Variants in EMC2 observed in about 807,000 individuals in gnomAD.
EMC2 encodes TPR repeat protein 35.
Under a neutral mutation model 51.6 loss-of-function variants are expected in EMC2, and 37 were observed. The ratio of observed to expected loss-of-function variants is 0.72; its 90% confidence interval spans 0.55 to 0.94. The LOEUF (loss-of-function observed/expected upper bound fraction) is 0.94. EMC2 is among the 40% of genes least tolerant of loss of function. The probability of loss-of-function intolerance (pLI) is 0.00; values close to 1 mark genes in which losing one functional copy is unlikely to be tolerated. For missense variants in EMC2, 359 were observed against 350.9 expected, an observed-to-expected ratio of 1.02 and a Z score of -0.18; for synonymous variants, 131 against 112.4, an observed-to-expected ratio of 1.17 and a Z score of -1.04.
In EMC2 at chr8:108,481,122, TGTTACCTA is replaced by T. The variant is rs1176017766; in HGVS notation, c.807+2016_807+2023del. Among the ~76,000 whole-genome samples, 4 of 152,272 alleles carry T rather than the reference TGTTACCTA, an allele frequency of 2.6e-5. No individual in the cohort carries two copies. In the East Asian group the frequency reaches 5.8e-4, roughly 22 times the overall value. On this transcript the variant is annotated intron_variant, in intron 10 of 10. Transcript: ENST00000220853. ...ACATTCTAGGGTTTGGAAAATTGACTGTTACCTAGTTTTTTTGAAAATGTCACCTGTGG... is the reference window on the plus strand; with the variant it reads ...ACATTCTAGGGTTTGGAAAATTGACTGTTTTTTTGAAAATGTCACCTGTGG...
intron 10 of EMC2, among the ~76,000 whole-genome samples, chr8:108,486,164 A>T (rs1380926365): frequency 6.6e-6 from 1 of 151,344 alleles, no homozygotes; most frequent in Non-Finnish European, 1.5e-5. Context: ...TACACTACAT[A>T]AATATAAGCT....
intron 10 of EMC2, among the ~76,000 whole-genome samples, chr8:108,485,452 T>C (rs1018361817): frequency 6.9e-6 from 1 of 143,930 alleles, no homozygotes; most frequent in Middle Eastern, 3.6e-3. Context: ...TTAATATATA[T>C]ACATATATAT....
chr8:108,477,341 T>G (rs755389659), intron 9 of EMC2, among the ~76,000 whole-genome samples: 13 of 151,892 alleles, frequency 8.6e-5, no homozygotes, highest in Admixed American at 3.3e-4. Context: ...GTTTGGAAAT[T>G]GTGGGAAGTA....
chr8:108,466,434 A>G (rs1223897957), intron 5 of EMC2, among the ~76,000 whole-genome samples: 4 of 144,174 alleles, frequency 2.8e-5, no homozygotes, highest in African/African-American at 1.1e-4. Context: ...TAAGGAAGCT[A>G]TGATAGAATT....
intron 1 of EMC2, among the ~76,000 whole-genome samples, chr8:108,448,511 G>C (rs1459996532): frequency 6.6e-6 from 1 of 152,164 alleles, no homozygotes; most frequent in African/African-American, 2.4e-5. Flanking sequence ...GGTCTCACAA[G>C]ATCTCATGGT....
chr8:108,443,628 T>C lies in EMC2; in HGVS notation c.-31T>C, dbSNP rs1247035867. 1.3e-6 allele frequency: 2 copies of C among 1,598,562 alleles called. No homozygotes were observed. Among genetic ancestry groups the C allele is most frequent in the Admixed American group, 1.7e-5 (1 of 58,054 alleles). Reference sequence around the variant, plus strand: ...GTCACGTGACTGCGTCTCCCCGCCCTCTCACCCCGCTGCCTCTAGGTTCTG... The same window carrying C: ...GTCACGTGACTGCGTCTCCCCGCCCCCTCACCCCGCTGCCTCTAGGTTCTG... On this transcript the variant is annotated 5_prime_UTR_variant, in exon 1 of 11. Coordinates refer to ENST00000220853, the MANE Select transcript of EMC2 (RefSeq NM_014673.5).
At position 108,487,261 on chromosome 8, in the gene EMC2, CACTTTA is replaced by C. The variant is rs956379515; in HGVS notation, c.*669_*674del. ...GCCTTAAGATAAATATGTGTTACGA[CACTTTA>C]ACTTTTATGCAAGTTATATTTATTG... is the stretch of plus-strand genomic sequence containing the variant. On this transcript the variant is annotated 3_prime_UTR_variant, in exon 11 of 11. Transcript: ENST00000220853. Among the ~76,000 whole-genome samples, 3 of 151,794 alleles carry C rather than the reference CACTTTA, an allele frequency of 2.0e-5. No individual in the cohort carries two copies. The highest frequency in any genetic ancestry group is 7.3e-5 in the African/African-American group (3 of 41,340).
intron 4 of EMC2, 117 bp from the exon 5 acceptor site, chr8:108,455,756 A>G: frequency 2.2e-6 from 1 of 454,076 alleles, no homozygotes; most frequent in Non-Finnish European, 4.0e-6. Flanking sequence ...ATTTAAAGCA[A>G]TTATAAATGC....
At chr8:108,461,000 A>G (rs1307616477) in intron 5 of EMC2, among the ~76,000 whole-genome samples, 2 of 152,232 alleles carry the variant, frequency 1.3e-5, no homozygotes, top group Non-Finnish European at 2.9e-5. Flanking sequence ...TGTGCTAGAC[A>G]TTGAAGGAGA....
intron 1 of EMC2, among the ~76,000 whole-genome samples, chr8:108,445,544 G>GCCTTACTTGACCACTCTA (rs1563688968): frequency 6.6e-6 from 1 of 151,248 alleles, no homozygotes; most frequent in Non-Finnish European, 1.5e-5. Context: ...CTACAAAAAA[G>GCCTTACTTGACCACTCTA]CCTTACTTGA....
At chr8:108,460,567 A>G (rs561844696) in intron 5 of EMC2, among the ~76,000 whole-genome samples, 7 of 152,330 alleles carry the variant, frequency 4.6e-5, no homozygotes, top group Non-Finnish European at 1.0e-4. Context: ...TTTCTGCACA[A>G]AATTACTTAA....
intron 8 of EMC2, 66 bp from the exon 9 acceptor site, chr8:108,476,716 A>G: frequency 1.3e-6 from 1 of 753,040 alleles, no homozygotes. Flanking sequence ...CTATGGTATG[A>G]TGAAACCATG....
chr8:108,445,695 A>G (rs1818862403), intron 1 of EMC2, among the ~76,000 whole-genome samples: 1 of 152,056 alleles, frequency 6.6e-6, no homozygotes, highest in Admixed American at 6.6e-5. Context: ...CACTTACCCA[A>G]TTGTGTTTTG....
chr8:108,478,083 A>G (rs769817534), intron 9 of EMC2, among the ~76,000 whole-genome samples: 8 of 152,074 alleles, frequency 5.3e-5, no homozygotes, highest in Non-Finnish European at 8.8e-5. Flanking sequence ...AGGTATAAAA[A>G]TCAGATTTGG....
intron 5 of EMC2, among the ~76,000 whole-genome samples, chr8:108,468,208 G>A (rs1023589460): frequency 1.3e-5 from 2 of 152,162 alleles, no homozygotes; most frequent in Admixed American, 1.3e-4. Flanking sequence ...TGGAGGACTA[G>A]GGACAATGCT....
At chr8:108,443,914 C>A (rs544087766) in intron 1 of EMC2, among the ~76,000 whole-genome samples, 1 of 152,310 alleles carries the variant, frequency 6.6e-6, no homozygotes, top group Non-Finnish European at 1.5e-5. Context: ...CCTCGGTTGA[C>A]CTGCCCTCCT....
At chr8:108,455,796 A>G in intron 4 of EMC2, 77 bp from the exon 5 acceptor site, 1 of 551,190 alleles carries the variant, frequency 1.8e-6, no homozygotes, top group Non-Finnish European at 3.2e-6. Context: ...AGCCAGTTTA[A>G]TTTTTTTCTG....
chr8:108,482,845 A>G (rs541877884), intron 10 of EMC2, among the ~76,000 whole-genome samples: 26 of 152,132 alleles, frequency 1.7e-4, no homozygotes, highest in Admixed American at 3.9e-4. Flanking sequence ...CAGCCTCCCA[A>G]TGGAGTGCTA....
intron 1 of EMC2, among the ~76,000 whole-genome samples, chr8:108,446,722 C>T (rs900948739): frequency 6.6e-6 from 1 of 152,080 alleles, no homozygotes; most frequent in African/African-American, 2.4e-5. Context: ...AAGGTGAAAA[C>T]ATGTTTTCTT....
Sources: allele counts gnomAD v4.1 joint callset (sites outside exome capture counted in the v4.1 genomes callset), GRCh38; gene constraint gnomAD v4.1.1; transcripts MANE v1.5; gene names NCBI Gene and HGNC (gene_info 2026-07-23, HGNC 2026-07-21).